ZNF175: variants seen among roughly 807,000 people sequenced by gnomAD.
ZNF175 encodes the protein zinc finger protein OTK18.
Under a neutral mutation model 14.0 loss-of-function variants are expected in ZNF175, and 8 were observed. The observed-to-expected ratio is 0.57, with a 90% confidence interval of 0.34 to 1.03. The LOEUF is 1.03. Ranked by LOEUF, ZNF175 falls within the 50% of genes least tolerant of loss-of-function variation. The pLI is 0.03. For missense variants in ZNF175, 764 were observed against 849.5 expected (o/e 0.90, Z 1.25); for synonymous variants, 255 against 296.8 (o/e 0.86, Z 1.45).
rs1982179300 is a variant in ZNF175, at chr19:51,586,828, C to T, written c.497C>T (p.Thr166Ile). 2 of 1,614,118 alleles carry T rather than the reference C, an allele frequency of 1.2e-6. No individual in the cohort carries two copies. The highest frequency in any genetic ancestry group is 1.3e-5 in the African/African-American group (1 of 75,042). Reference protein sequence around the residue: ...MSHSAFFNKKTLNTESNCEYK... With the variant: ...MSHSAFFNKKILNTESNCEYK... ...CACAGTGCTTTCTTCAACAAGAAAA[C>T]ATTGAACACAGAAAGCAATTGTGAA... Residue 166 changes from threonine (T) to isoleucine (I), a missense_variant, in exon 5 of 5, where the codon ACA becomes ATA. Transcript: ENST00000262259.
At position 51,588,207 on chromosome 19, in the gene ZNF175, C is replaced by T. The variant is rs1347889952; in HGVS notation, c.1876C>T (p.Gln626Ter). The T allele has an allele frequency of 1.2e-6, 2 of 1,613,788 alleles. No homozygotes were observed. The highest frequency in any genetic ancestry group is 3.3e-5 in the Admixed American group (2 of 59,980). ...VCYKCGKAFV[Q>*]KSELITHQRT... The stretch of plus-strand genomic sequence containing the variant: ...TTACAAATGTGGGAAGGCTTTTGTC[C>T]AGAAATCAGAGTTGATTACCCATCA... The change falls in exon 5 of 5, where the codon CAG becomes TAG. Residue 626 changes from glutamine to a stop codon, truncating the protein, a stop_gained. Coordinates refer to ENST00000262259, the MANE Select transcript of ZNF175 (RefSeq NM_007147.4). LOFTEE classifies it low-confidence loss of function (END_TRUNC).
chr19:51,575,101 G>GC (rs1981727581), intron 2 of ZNF175, among the ~76,000 whole-genome samples: 1 of 151,198 alleles, frequency 6.6e-6, no homozygotes, highest in Admixed American at 6.6e-5. Context: ...TTACAAACAG[G>GC]CTTTTTTTTC....
intron 4 of ZNF175, among the ~76,000 whole-genome samples, chr19:51,582,592 C>T (rs977473328): frequency 2.0e-5 from 3 of 152,188 alleles, no homozygotes; most frequent in Non-Finnish European, 4.4e-5. Context: ...CCACCGCACC[C>T]AGCCTGTTTC....
At chr19:51,582,209 C>T (rs76631059) in intron 4 of ZNF175, among the ~76,000 whole-genome samples, 17,615 of 152,282 alleles carry the variant, frequency 0.12, 1,285 homozygotes, top group South Asian at 0.22. Flanking sequence ...TGCATTTGCA[C>T]ATCTTGCTTG....
At chr19:51,572,714 A>G (rs1309298023) in intron 1 of ZNF175, among the ~76,000 whole-genome samples, 1 of 152,212 alleles carries the variant, frequency 6.6e-6, no homozygotes, top group Non-Finnish European at 1.5e-5. Flanking sequence ...CAAATTATGT[A>G]ACAGCACACA....
chr19:51,579,769 T>A (rs1981934110), intron 2 of ZNF175, among the ~76,000 whole-genome samples: 1 of 152,180 alleles, frequency 6.6e-6, no homozygotes, highest in East Asian at 1.9e-4. Flanking sequence ...GCCCAACATC[T>A]GTTCTGAACT....
chr19:51,576,133 A>G (rs1981773879), intron 2 of ZNF175, among the ~76,000 whole-genome samples: 1 of 148,014 alleles, frequency 6.8e-6, no homozygotes, highest in Non-Finnish European at 1.5e-5. Context: ...TCGCTATTTC[A>G]GGGACAGTTT....
chr19:51,582,942 G>A (rs1442870220), intron 4 of ZNF175, among the ~76,000 whole-genome samples: 2 of 151,842 alleles, frequency 1.3e-5, no homozygotes, highest in East Asian at 1.9e-4. Context: ...CGCAACCTCC[G>A]CCTCCCAGGT....
Position 51,589,424 on chromosome 19 carries a change from G to T in ZNF175, c.*957G>T, listed in dbSNP as rs1047113603. 1.7e-6 allele frequency: 1 copy of T among 595,082 alleles called. No homozygotes were observed. The highest frequency in any genetic ancestry group is 2.8e-5 in the East Asian group (1 of 35,460). The allele number at this position is 595,082 out of a possible 1,614,324, so 36.9% of individuals were successfully genotyped here. A position where few individuals can be genotyped will look rare whatever the true frequency, so the allele number is the denominator to read the frequency against. ...CCCTATTGAATATTTATATAATGAG[G>T]TTGTATCAACAATGATTAACTCCTT... On this transcript the variant is annotated 3_prime_UTR_variant, in exon 5 of 5. Coordinates refer to ENST00000262259, the MANE Select transcript of ZNF175 (RefSeq NM_007147.4).
chr19:51,587,920 A>G lies in ZNF175; in HGVS notation c.1589A>G (p.His530Arg). 5.0e-6 allele frequency: 8 copies of G among 1,614,198 alleles called. No homozygotes were observed. The highest frequency in any genetic ancestry group is 6.8e-6 in the Non-Finnish European group (8 of 1,180,018). Residue 530 changes from histidine (H) to arginine (R), a missense_variant, in exon 5 of 5, where the codon CAC becomes CGC. By Grantham distance (29) the His-to-Arg change is conservative. Transcript: ENST00000262259. ...CAGAAAATTCATACTGGAGAAAGAC[A>G]CCATGTATGCAGTGAATGCGGGAAA... ...IHQKIHTGER[H>R]HVCSECGKAF...
In ZNF175 at chr19:51,573,279, A is replaced by G. The variant is rs1179996398; in HGVS notation, c.-51A>G. Reference sequence around the variant, plus strand: ...ACCTATCCAGCTTCTGGCTCCTGGGAAAAGTGGAGTTGTCAGCAAGAGAGA... The same window carrying G: ...ACCTATCCAGCTTCTGGCTCCTGGGGAAAGTGGAGTTGTCAGCAAGAGAGA... On this transcript the variant is annotated 5_prime_UTR_variant, in exon 2 of 5. Coordinates refer to ENST00000262259, the MANE Select transcript of ZNF175 (RefSeq NM_007147.4). 1 of 1,593,602 alleles carries G rather than the reference A, an allele frequency of 6.3e-7. No homozygotes were observed. The highest frequency in any genetic ancestry group is 8.6e-7 in the Non-Finnish European group (1 of 1,164,178).
chr19:51,592,438 ATGCTCGTTCTT>A lies in ZNF175; in HGVS notation c.*3972_*3982del. 7.4e-6 allele frequency: 4 copies of A among 543,816 alleles called. No individual in the cohort carries two copies. Among genetic ancestry groups the A allele is most frequent in the Admixed American group, 3.6e-5 (1 of 27,846 alleles). 33.7% of individuals were successfully genotyped at this position (543,816 alleles called of 1,614,324 possible). Reference sequence around the variant, plus strand: ...GCTGTCCACCATGAGTACAACACAAATGCTCGTTCTTAATGATTCAACAAACATGGAATTTC... The same window carrying A: ...GCTGTCCACCATGAGTACAACACAAAAATGATTCAACAAACATGGAATTTC... On this transcript the variant is annotated 3_prime_UTR_variant, in exon 5 of 5. Coordinates refer to ENST00000262259, the MANE Select transcript of ZNF175 (RefSeq NM_007147.4).
chr19:51,587,575 G>A lies in ZNF175; in HGVS notation c.1244G>A (p.Gly415Asp). 6.2e-7 allele frequency: 1 copy of A among 1,614,146 alleles called. No homozygotes were observed. Among genetic ancestry groups the A allele is most frequent in the South Asian group, 1.1e-5 (1 of 91,080 alleles). ...TLIIHQKIHT[G>D]ERQYACSECG... ...ATTATACATCAGAAAATTCATACTG[G>A]TGAGAGACAGTATGCATGCAGTGAA... The change falls in exon 5 of 5, where the codon GGT (glycine) becomes GAT (aspartate). Residue 415 changes from glycine to aspartate, a missense_variant. Physicochemically the swap from Gly to Asp is moderately conservative, Grantham distance 94. Coordinates refer to ENST00000262259, the MANE Select transcript of ZNF175 (RefSeq NM_007147.4).
At chr19:51,574,345 T>G (rs1981699262) in intron 2 of ZNF175, 1 of 152,140 alleles carries the variant, frequency 6.6e-6, no homozygotes, top group Non-Finnish European at 1.5e-5. Flanking sequence ...TTTTCAAAAT[T>G]GTAAATACCC....
chr19:51,587,515 A>G lies in ZNF175; in HGVS notation c.1184A>G (p.Glu395Gly). Reference sequence around the variant, plus strand: ...AGAGAAAAACTCTATGAATGCAGTGAATGTGGCAAAGGCTTCTCCCAAAAC... The same window carrying G: ...AGAGAAAAACTCTATGAATGCAGTGGATGTGGCAAAGGCTTCTCCCAAAAC... ...HSREKLYECSECGKGFSQNST... is the reference protein window; with the variant it reads ...HSREKLYECSGCGKGFSQNST... The change falls in exon 5 of 5, where the codon GAA becomes GGA. Residue 395 changes from glutamate to glycine, a missense_variant. Glu to Gly is a moderately conservative substitution (Grantham distance 98). Coordinates refer to ENST00000262259, the MANE Select transcript of ZNF175 (RefSeq NM_007147.4). 6.2e-7 allele frequency: 1 copy of G among 1,614,220 alleles called. No homozygotes were observed. The highest frequency in any genetic ancestry group is 1.3e-5 in the African/African-American group (1 of 75,056).
rs1018875451 is a variant in ZNF175 at position 51,591,180 on chromosome 19, A to G, written c.*2713A>G. 9 of 152,448 alleles carry G rather than the reference A, an allele frequency of 5.9e-5. No homozygotes were observed. The highest frequency in any genetic ancestry group is 2.2e-4 in the African/African-American group (9 of 41,418). The allele number at this position is 152,448 out of a possible 1,614,324, so 9.4% of individuals were successfully genotyped here. ...GCCACTTCCGGGGCCTGTTGGCTTT[A>G]ACAACTTAGTTTCCTCCCTACCTCG... On this transcript the variant is annotated 3_prime_UTR_variant, in exon 5 of 5. Transcript: ENST00000262259.
chr19:51,582,025 T>C, intron 4 of ZNF175, 143 bp downstream of exon 4: 1 of 746,602 alleles, frequency 1.3e-6, no homozygotes. Context: ...ACACTGTAAA[T>C]GTGCTATAAA....
At chr19:51,578,213 A>G (rs964635210) in intron 2 of ZNF175, among the ~76,000 whole-genome samples, 2 of 151,030 alleles carry the variant, frequency 1.3e-5, no homozygotes, top group Non-Finnish European at 3.0e-5. Context: ...CCTGGCCAAC[A>G]TGGTGAAACC....
At chr19:51,583,775 T>C (rs1250010361) in intron 4 of ZNF175, among the ~76,000 whole-genome samples, 1 of 152,214 alleles carries the variant, frequency 6.6e-6, no homozygotes, top group East Asian at 1.9e-4. Flanking sequence ...TTTAAAAATA[T>C]ACCTGAATAG....
Sources: allele counts gnomAD v4.1 joint callset (sites outside exome capture counted in the v4.1 genomes callset), GRCh38; gene constraint gnomAD v4.1.1; transcripts MANE v1.5; gene names NCBI Gene and HGNC (gene_info 2026-07-23, HGNC 2026-07-21).